NSMCE2: variants seen among roughly 807,000 people sequenced by gnomAD.
The protein encoded by NSMCE2 is E3 SUMO-protein ligase NSE2.
Under a neutral mutation model 23.8 loss-of-function variants are expected in NSMCE2, and 24 were observed. That is an observed-to-expected ratio of 1.01 (90% CI 0.73 to 1.42). The LOEUF is 1.42. Among genes scored for constraint, NSMCE2 ranks in the 40% most tolerant of loss-of-function variants. NSMCE2 has a pLI of 0.00. For synonymous variants in NSMCE2, 92 were observed against 94.1 expected (o/e 0.98, Z 0.13); for missense variants, 284 against 296.5 (o/e 0.96, Z 0.31).
chr8:125,348,291 T>G (rs926397754), intron 5 of NSMCE2: 1 of 152,198 alleles, frequency 6.6e-6, no homozygotes, highest in Non-Finnish European at 1.5e-5. Context: ...GCCATTTTTC[T>G]GATTACATTA....
At chr8:125,230,101 C>T (rs966258125) in intron 5 of NSMCE2, among the ~76,000 whole-genome samples, 6 of 152,038 alleles carry the variant, frequency 3.9e-5, no homozygotes, top group African/African-American at 1.4e-4. Context: ...TTTTTGAAAA[C>T]CTTGCAGATT....
chr8:125,282,407 C>G (rs1469270562), intron 5 of NSMCE2, among the ~76,000 whole-genome samples: 5 of 152,178 alleles, frequency 3.3e-5, no homozygotes, highest in Non-Finnish European at 7.3e-5. Context: ...AGCCACTGCA[C>G]CCGGCAAGAT....
chr8:125,116,053 T>G (rs1160118292), intron 3 of NSMCE2, among the ~76,000 whole-genome samples: 1 of 152,196 alleles, frequency 6.6e-6, no homozygotes, highest in Non-Finnish European at 1.5e-5. Flanking sequence ...TCCAGCCCCA[T>G]GACCTCGATT....
At position 125,332,922 on chromosome 8, in the gene NSMCE2, T is replaced by C. The variant is rs114598485; in HGVS notation, c.419-24297T>C. On this transcript the variant is annotated intron_variant, in intron 5 of 7. Transcript: ENST00000287437. ...TACCCTGCAATGTGCTTGGAAATCA[T>C]CCAGTTTGGGACCTCAAGAGAGAGG... Among the ~76,000 whole-genome samples the C allele has an allele frequency of 6.5e-3, 996 of 152,322 alleles. 12 individuals carry two copies. The highest frequency in any genetic ancestry group is 0.023 in the African/African-American group (956 of 41,556).
intron 5 of NSMCE2, among the ~76,000 whole-genome samples, chr8:125,266,824 T>G (rs918619295): frequency 6.6e-6 from 1 of 152,168 alleles, no homozygotes; most frequent in Non-Finnish European, 1.5e-5. Context: ...GCAAGGAAAC[T>G]TAGACCTTCA....
chr8:125,221,511 T>C lies in NSMCE2; in HGVS notation c.418+39255T>C, dbSNP rs765159376. On this transcript the variant is annotated intron_variant, in intron 5 of 7. Transcript: ENST00000287437. ...CACCTGCCTCAGCTTCCCAAAGTTC[T>C]GGGATTACAGGCATGAGCCACTGTG... Among the ~76,000 whole-genome samples, 11 of 152,230 alleles carry C rather than the reference T, an allele frequency of 7.2e-5. 1 individual carries two copies. Among genetic ancestry groups the C allele is most frequent in the African/African-American group, 1.2e-4 (5 of 41,462 alleles).
intron 5 of NSMCE2, 62 bp from the exon 6 acceptor site, chr8:125,357,157 C>T: frequency 9.0e-7 from 1 of 1,105,104 alleles, no homozygotes; most frequent in South Asian, 1.3e-5. Context: ...CCCTTCCTTC[C>T]ATTCCTTCCT....
At chr8:125,284,010 TG>T (rs947509842) in intron 5 of NSMCE2, among the ~76,000 whole-genome samples, 21 of 151,892 alleles carry the variant, frequency 1.4e-4, no homozygotes, top group Non-Finnish European at 5.9e-5. Flanking sequence ...AAAAATTAGC[TG>T]GGCGTGGTGG....
At chr8:125,319,585 A>G (rs948746285) in intron 5 of NSMCE2, among the ~76,000 whole-genome samples, 1 of 152,042 alleles carries the variant, frequency 6.6e-6, no homozygotes, top group African/African-American at 2.4e-5. Context: ...ATAAGATGAA[A>G]CCTACAATGG....
rs574438871 is a variant in NSMCE2, at chr8:125,140,539, T to C, written c.158-10632T>C. 3.3e-5 allele frequency among the ~76,000 whole-genome samples: 5 copies of C among 152,144 alleles called. No individual in the cohort carries two copies. In the East Asian group the frequency reaches 9.7e-4, roughly 29 times the overall value. ...TTAGCTGGGCGTGGTAGTGGGTGCCTGTAATCCCAGCTACTCAGGAGGCTG... is the reference window on the plus strand; with the variant it reads ...TTAGCTGGGCGTGGTAGTGGGTGCCCGTAATCCCAGCTACTCAGGAGGCTG... On this transcript the variant is annotated intron_variant, in intron 3 of 7. Transcript: ENST00000287437.
intron 5 of NSMCE2, among the ~76,000 whole-genome samples, chr8:125,352,509 A>T (rs1813083459): frequency 6.6e-6 from 1 of 151,880 alleles, no homozygotes; most frequent in South Asian, 2.1e-4. Flanking sequence ...GGAGCAGAGG[A>T]GCTCCCAGAA....
intron 5 of NSMCE2, among the ~76,000 whole-genome samples, chr8:125,188,831 G>A (rs949195814): frequency 1.3e-5 from 2 of 152,178 alleles, no homozygotes; most frequent in African/African-American, 4.8e-5. Flanking sequence ...AAGCAGATGG[G>A]GGTTTTGTGA....
In NSMCE2 at chr8:125,196,524, A is replaced by G. The variant is rs111875207; in HGVS notation, c.418+14268A>G. Among the ~76,000 whole-genome samples the G allele has an allele frequency of 3.0e-3, 455 of 152,234 alleles. 2 individuals are homozygous for G. The highest frequency in any genetic ancestry group is 0.01 in the African/African-American group (429 of 41,528). The stretch of plus-strand genomic sequence containing the variant: ...AGCTTCATCCATGTCCCTGCAGAGG[A>G]CATGAACTCATCCCTTTTATGGCTG... On this transcript the variant is annotated intron_variant, in intron 5 of 7. Coordinates refer to ENST00000287437, the MANE Select transcript of NSMCE2 (RefSeq NM_173685.4).
chr8:125,351,904 T>G (rs183465166), intron 5 of NSMCE2, among the ~76,000 whole-genome samples: 146 of 152,116 alleles, frequency 9.6e-4, no homozygotes, highest in Non-Finnish European at 1.6e-3. Flanking sequence ...TCCCAGCTAC[T>G]TGGGAGACTG....
intron 5 of NSMCE2, among the ~76,000 whole-genome samples, chr8:125,262,928 GA>G (rs11299819): frequency 0.77 from 116,414 of 151,918 alleles, 44,844 homozygotes; most frequent in Middle Eastern, 0.81. Context: ...GTGCCTCCGC[GA>G]AAAAAGGTTG....
intron 1 of NSMCE2, among the ~76,000 whole-genome samples, chr8:125,094,288 A>G (rs1817825758): frequency 6.6e-6 from 1 of 152,058 alleles, no homozygotes; most frequent in Non-Finnish European, 1.5e-5. Flanking sequence ...TGGAGTGACT[A>G]TAATTATAAT....
intron 5 of NSMCE2, among the ~76,000 whole-genome samples, chr8:125,284,334 G>A (rs1827814123): frequency 1.3e-5 from 2 of 152,114 alleles, no homozygotes; most frequent in Admixed American, 6.5e-5. Context: ...GTGGCTGAGA[G>A]GATGGCATAC....
At chr8:125,316,759 C>T (rs1829220326) in intron 5 of NSMCE2, among the ~76,000 whole-genome samples, 1 of 144,082 alleles carries the variant, frequency 6.9e-6, no homozygotes, top group Non-Finnish European at 1.5e-5. Flanking sequence ...TTCCTTCCTT[C>T]CTTCCTTCCT....
intron 5 of NSMCE2, among the ~76,000 whole-genome samples, chr8:125,328,278 T>G (rs1829752729): frequency 6.6e-6 from 1 of 152,062 alleles, no homozygotes; most frequent in South Asian, 2.1e-4. Context: ...CTTTAGAAAA[T>G]TTTTGAATTG....
Sources: gnomAD v4.1 joint callset for allele counts (sites outside exome capture counted in the v4.1 genomes callset) on GRCh38, gnomAD v4.1.1 for gene constraint, MANE v1.5 for transcripts, NCBI Gene and HGNC (gene_info 2026-07-23, HGNC 2026-07-21) for gene names.